The following IMMP2L variants were observed in gnomAD, a reference collection of about 807,000 sequenced individuals.
The protein encoded by IMMP2L is mitochondrial inner membrane protease subunit 2.
Under a neutral mutation model 19.3 loss-of-function variants are expected in IMMP2L, and 18 were observed. The ratio of observed to expected loss-of-function variants is 0.93; its 90% confidence interval spans 0.64 to 1.38. The LOEUF (loss-of-function observed/expected upper bound fraction) is 1.38, where lower values mean the gene tolerates loss of function less well. IMMP2L is among the 40% of genes most tolerant of loss of function. IMMP2L has a pLI of 0.00. For synonymous variants in IMMP2L, 76 were observed against 73.0 expected, an observed-to-expected ratio of 1.04 and a Z score of -0.21; for missense variants, 233 against 218.2, an observed-to-expected ratio of 1.07 and a Z score of -0.43.
chr7:111,191,019 G>A (rs2129612983), intron 3 of IMMP2L, among the ~76,000 whole-genome samples: 1 of 152,150 alleles, frequency 6.6e-6, no homozygotes, highest in East Asian at 1.9e-4. Flanking sequence ...GAATAGGAAA[G>A]AACTGACCAC....
At chr7:111,290,634 A>G (rs993261170) in intron 3 of IMMP2L, among the ~76,000 whole-genome samples, 2 of 152,118 alleles carry the variant, frequency 1.3e-5, no homozygotes, top group African/African-American at 4.8e-5. Flanking sequence ...AAAGAAGCAG[A>G]AGCCCAAAAT....
chr7:110,799,402 G>T (rs370728481), intron 5 of IMMP2L, among the ~76,000 whole-genome samples: 1 of 151,936 alleles, frequency 6.6e-6, no homozygotes, highest in Non-Finnish European at 1.5e-5. Context: ...CTCAAGTCAG[G>T]ACATATTTGT....
At chr7:110,948,090 T>C (rs564167474) in intron 4 of IMMP2L, among the ~76,000 whole-genome samples, 2 of 152,178 alleles carry the variant, frequency 1.3e-5, no homozygotes, top group African/African-American at 2.4e-5. Context: ...ACCAGGAGGA[T>C]GATCAATTTC....
chr7:111,123,502 T>C lies in IMMP2L; in HGVS notation c.240-159937A>G, dbSNP rs1253067793. The C allele has an allele frequency of 1.9e-6, 3 of 1,613,780 alleles. No homozygotes were observed. The highest frequency in any genetic ancestry group is 2.5e-6 in the Non-Finnish European group (3 of 1,179,948). ...GGAAAACTTAGAAAGCATCTCTTTT[T>C]ACGATAACAGGCTTATTAAAGTACC... On this transcript the variant is annotated intron_variant, in intron 3 of 5. Transcript: ENST00000405709. The surrounding 1 kb of genome is among the most constrained non-coding windows in gnomAD (Gnocchi z 6.4).
rs189663788 is a variant in IMMP2L at position 111,317,662 on chromosome 7, A to G, written c.239+169576T>C. ...TCTTCATTCCCCAGATCATAAACCC[A>G]AGGAGACCATTATAAGGCTGCTACA... On this transcript the variant is annotated intron_variant, in intron 3 of 5. Transcript: ENST00000405709. Among the ~76,000 whole-genome samples the G allele has an allele frequency of 4.6e-5, 7 of 152,284 alleles. No individual in the cohort carries two copies. The East Asian group carries it at 1.4e-3, about 29-fold the overall frequency.
intron 3 of IMMP2L, among the ~76,000 whole-genome samples, chr7:111,285,465 A>G (rs1378819451): frequency 1.3e-5 from 2 of 152,168 alleles, no homozygotes; most frequent in African/African-American, 2.4e-5. Flanking sequence ...TGAAATCATG[A>G]TATCATTAAG....
At chr7:111,469,338 C>T (rs2132085404) in intron 3 of IMMP2L, among the ~76,000 whole-genome samples, 1 of 152,122 alleles carries the variant, frequency 6.6e-6, no homozygotes, top group East Asian at 1.9e-4. Context: ...CTATAAATTA[C>T]CTTGGGCAGT....
intron 5 of IMMP2L, among the ~76,000 whole-genome samples, chr7:110,685,543 G>T (rs546767500): frequency 3.3e-5 from 5 of 152,226 alleles, no homozygotes; most frequent in African/African-American, 1.2e-4. Context: ...ACAGTTAATG[G>T]TGCTGAACTA....
At chr7:111,301,615 T>C (rs541935784) in intron 3 of IMMP2L, among the ~76,000 whole-genome samples, 1 of 152,194 alleles carries the variant, frequency 6.6e-6, no homozygotes, top group South Asian at 2.1e-4. Context: ...ATGATCCATT[T>C]TGAGCTAATT....
chr7:111,016,082 A>G (rs2129564639), intron 3 of IMMP2L, among the ~76,000 whole-genome samples: 1 of 152,240 alleles, frequency 6.6e-6, no homozygotes, highest in South Asian at 2.1e-4. Context: ...GGATAAAAAT[A>G]TGAAATTCTC....
chr7:110,687,032 T>C (rs534062947), intron 5 of IMMP2L, among the ~76,000 whole-genome samples: 27 of 152,238 alleles, frequency 1.8e-4, no homozygotes, highest in African/African-American at 6.5e-4. Context: ...CCACATACCC[T>C]GAACAAGTTC....
intron 3 of IMMP2L, among the ~76,000 whole-genome samples, chr7:111,414,103 C>T (rs1834730008): frequency 6.6e-6 from 1 of 151,656 alleles, no homozygotes; most frequent in African/African-American, 2.4e-5. Flanking sequence ...GAACTTGACC[C>T]CCTCCTCAGG....
intron 3 of IMMP2L, among the ~76,000 whole-genome samples, chr7:111,050,485 C>T (rs544324081): frequency 6.6e-6 from 1 of 152,118 alleles, no homozygotes; most frequent in Admixed American, 6.5e-5. Context: ...TCTCTCTCAC[C>T]CCGTTTCTAT....
chr7:110,922,233 T>C (rs931052496), intron 4 of IMMP2L, among the ~76,000 whole-genome samples: 7 of 152,162 alleles, frequency 4.6e-5, no homozygotes, highest in African/African-American at 1.7e-4. Context: ...CTGGAGAAAA[T>C]GTATATGGCA....
chr7:111,104,034 G>C (rs552810169), intron 3 of IMMP2L, among the ~76,000 whole-genome samples: 1 of 151,782 alleles, frequency 6.6e-6, no homozygotes, highest in South Asian at 2.1e-4. Context: ...TGTAATATGT[G>C]TGTGAAATGA....
intron 3 of IMMP2L, among the ~76,000 whole-genome samples, chr7:111,077,100 T>A: frequency 6.6e-6 from 1 of 152,182 alleles, no homozygotes; most frequent in East Asian, 1.9e-4. Flanking sequence ...CTAAGGCCTT[T>A]GTATTAGTTG....
rs562072674 is a variant in IMMP2L, at chr7:111,169,593, C to T, written c.240-206028G>A. On this transcript the variant is annotated intron_variant, in intron 3 of 5. Transcript: ENST00000405709. Reference sequence around the variant, plus strand: ...TTTGGTGTTCCTTGGCTTGCAGTATCGTAACTCCAATCTTCCCATAGCATT... The same window carrying T: ...TTTGGTGTTCCTTGGCTTGCAGTATTGTAACTCCAATCTTCCCATAGCATT... 5.3e-5 allele frequency among the ~76,000 whole-genome samples: 8 copies of T among 151,916 alleles called. No individual in the cohort carries two copies. The East Asian group carries it at 1.6e-3, about 30-fold the overall frequency.
chr7:111,352,048 T>G (rs1292220097), intron 3 of IMMP2L, among the ~76,000 whole-genome samples: 2 of 152,172 alleles, frequency 1.3e-5, no homozygotes, highest in African/African-American at 4.8e-5. Flanking sequence ...GCATTTTATA[T>G]CAGTATGCTT....
chr7:110,919,548 G>A (rs1814015745), intron 4 of IMMP2L, among the ~76,000 whole-genome samples: 1 of 152,158 alleles, frequency 6.6e-6, no homozygotes, highest in African/African-American at 2.4e-5. Flanking sequence ...AAGTTGACAA[G>A]TGCTTCTGCA....
Sources: gnomAD v4.1 joint callset for allele counts (sites outside exome capture counted in the v4.1 genomes callset) on GRCh38, gnomAD v4.1.1 for gene constraint, Gnocchi (gnomAD v3.1) non-coding constraint, MANE v1.5 for transcripts, NCBI Gene and HGNC (gene_info 2026-07-23, HGNC 2026-07-21) for gene names.